Variants in EDA observed in about 807,000 individuals in gnomAD.
The protein encoded by EDA is ectodysplasin A.
EDA carries 2 observed loss-of-function variants against 23.6 expected under a neutral mutation model. That is an observed-to-expected ratio of 0.08 (90% CI 0.03 to 0.27). EDA has a LOEUF of 0.27. EDA is among the 10% of genes least tolerant of loss of function. EDA has a pLI of 1.00. For missense variants in EDA, 229 were observed against 324.2 expected (o/e 0.71, Z 2.26); for synonymous variants, 131 against 132.0 (o/e 0.99, Z 0.05).
intron 2 of EDA, among the ~76,000 whole-genome samples, chrX:70,021,152 C>A (rs2020028313): frequency 8.9e-6 from 1 of 112,180 alleles, no homozygotes; most frequent in South Asian, 3.7e-4. Context: ...ACTCCCTCAT[C>A]TTTTGTATTT....
Position 70,036,046 on chromosome X carries a change from G to C in EDA, c.*437G>C. ...TCTCTTGGGTAGGGTAGTGGCTGGG[G>C]TGGAGTGGGAAGGGAGCATTGCAGC... On this transcript the variant is annotated 3_prime_UTR_variant, in exon 8 of 8. Coordinates refer to ENST00000374552, the MANE Select transcript of EDA (RefSeq NM_001399.5). 1 of 162,522 alleles carries C rather than the reference G, an allele frequency of 6.2e-6. No homozygotes were observed. Among genetic ancestry groups the C allele is most frequent in the Admixed American group, 7.4e-5 (1 of 13,498 alleles). The allele number at this position is 162,522 out of a possible 1,213,427, so 13.4% of individuals were successfully genotyped here.
intron 1 of EDA, among the ~76,000 whole-genome samples, chrX:69,770,497 C>T (rs1199879158): frequency 1.8e-5 from 2 of 111,977 alleles, no homozygotes; most frequent in Non-Finnish European, 3.8e-5. Flanking sequence ...TGTGGCAGAA[C>T]ATCTTTTCAT....
At chrX:69,648,097 C>T (rs907184655) in intron 1 of EDA, among the ~76,000 whole-genome samples, 2 of 111,362 alleles carry the variant, frequency 1.8e-5, no homozygotes, top group Non-Finnish European at 3.8e-5. Flanking sequence ...GGGGTACTGA[C>T]CTGTTGCCAG....
chrX:69,843,319 C>G (rs1045151537), intron 1 of EDA, among the ~76,000 whole-genome samples: 2 of 111,580 alleles, frequency 1.8e-5, no homozygotes, highest in African/African-American at 6.5e-5. Flanking sequence ...TATAGGGAAG[C>G]AGATGAATAT....
intron 1 of EDA, among the ~76,000 whole-genome samples, chrX:69,670,559 A>G (rs773670348): frequency 9.1e-6 from 1 of 110,455 alleles, no homozygotes; most frequent in Admixed American, 9.7e-5. Flanking sequence ...TGTTTGCTTA[A>G]TGATGCTCCT....
At chrX:69,678,298 G>A (rs868477981) in intron 1 of EDA, among the ~76,000 whole-genome samples, 2,625 of 109,052 alleles carry the variant, frequency 0.024, 51 homozygotes, top group Middle Eastern at 0.057. Flanking sequence ...TTGACTTGGT[G>A]ATGCGGGCTC....
chrX:69,621,805 A>G (rs758954801), intron 1 of EDA, among the ~76,000 whole-genome samples: 3 of 111,561 alleles, frequency 2.7e-5, no homozygotes, highest in South Asian at 7.6e-4. Context: ...CAGTGGCATG[A>G]TCACAGCTCA....
intron 1 of EDA, among the ~76,000 whole-genome samples, chrX:69,683,228 C>G (rs148382002): frequency 0.014 from 1,525 of 111,486 alleles, 19 homozygotes; most frequent in African/African-American, 0.045. Flanking sequence ...TTGTCTCTTT[C>G]TCTCCCCACT....
chrX:69,654,739 T>C (rs1390539150), intron 1 of EDA, among the ~76,000 whole-genome samples: 1 of 93,474 alleles, frequency 1.1e-5, no homozygotes, highest in Non-Finnish European at 2.0e-5. Context: ...TAGGTGGGAA[T>C]TGAACAATGA....
chrX:69,657,258 A>C (rs768420874), intron 1 of EDA, among the ~76,000 whole-genome samples: 1 of 112,298 alleles, frequency 8.9e-6, no homozygotes, highest in African/African-American at 3.2e-5. Context: ...AGTGATGTTG[A>C]GCATTTTTTC....
In EDA at chrX:70,035,308, A is replaced by G. The variant is rs374856060; in HGVS notation, c.925-50A>G. On this transcript the variant is annotated intron_variant, in intron 7 of 7. Coordinates refer to ENST00000374552, the MANE Select transcript of EDA (RefSeq NM_001399.5). ...CAATTCACCACAGGGAGGGCCCCCCACCCTCTCTTTCCTCTCTTCCCCAAT... is the reference window on the plus strand; with the variant it reads ...CAATTCACCACAGGGAGGGCCCCCCGCCCTCTCTTTCCTCTCTTCCCCAAT... 10 of 1,179,069 alleles carry G rather than the reference A, an allele frequency of 8.5e-6. No individual in the cohort carries two copies. In the African/African-American group the frequency reaches 1.8e-4, roughly 21 times the overall value.
At chrX:69,723,056 C>T (rs1023377855) in intron 1 of EDA, among the ~76,000 whole-genome samples, 1 of 111,749 alleles carries the variant, frequency 8.9e-6, no homozygotes, top group Middle Eastern at 4.2e-3. Context: ...CATAACTTCA[C>T]CTTTGAGTGC....
intron 1 of EDA, among the ~76,000 whole-genome samples, chrX:69,809,214 T>C: frequency 9.0e-6 from 1 of 111,590 alleles, no homozygotes; most frequent in Non-Finnish European, 1.9e-5. Flanking sequence ...TACCCAAAAC[T>C]GGTAATTTAT....
At chrX:69,731,058 G>C (rs2013004947) in intron 1 of EDA, among the ~76,000 whole-genome samples, 1 of 112,153 alleles carries the variant, frequency 8.9e-6, no homozygotes, top group African/African-American at 3.2e-5. Context: ...AACTGTTCAG[G>C]ATATCTGTTT....
chrX:69,732,089 A>C (rs1047816733), intron 1 of EDA, among the ~76,000 whole-genome samples: 4 of 93,676 alleles, frequency 4.3e-5, no homozygotes, highest in Non-Finnish European at 7.3e-5. Flanking sequence ...TAAATATTTT[A>C]TTGAAGATTT....
intron 2 of EDA, among the ~76,000 whole-genome samples, chrX:69,990,217 T>C (rs1000715438): frequency 3.6e-5 from 4 of 111,027 alleles, no homozygotes; most frequent in African/African-American, 1.3e-4. Context: ...TTTGTGACAC[T>C]GTCTGGTAGG....
intron 1 of EDA, among the ~76,000 whole-genome samples, chrX:69,838,899 T>G (rs1256425943): frequency 8.9e-6 from 1 of 112,353 alleles, no homozygotes; most frequent in Non-Finnish European, 1.9e-5. Context: ...CCAAATTTGT[T>G]CATCTTCAAA....
chrX:69,899,820 A>C (rs1272879294), intron 1 of EDA, among the ~76,000 whole-genome samples: 1 of 111,446 alleles, frequency 9.0e-6, no homozygotes, highest in Non-Finnish European at 1.9e-5. Context: ...AGAGCTAGGA[A>C]ATGGTTGAGT....
intron 2 of EDA, among the ~76,000 whole-genome samples, chrX:70,013,478 G>A (rs2019904318): frequency 9.0e-6 from 1 of 111,467 alleles, no homozygotes; most frequent in Non-Finnish European, 1.9e-5. Context: ...CAGCCCCTCT[G>A]CCACTGCCAC....
Sources: allele counts gnomAD v4.1 joint callset (sites outside exome capture counted in the v4.1 genomes callset), GRCh38; gene constraint gnomAD v4.1.1; transcripts MANE v1.5; gene names NCBI Gene and HGNC (gene_info 2026-07-23, HGNC 2026-07-21).